Variants in ZNF215 observed in about 807,000 individuals in gnomAD.
The protein encoded by ZNF215 is BWSCR2-associated zinc finger protein 2.
ZNF215 carries 24 observed loss-of-function variants against 27.2 expected under a neutral mutation model. That is an observed-to-expected ratio of 0.88 (90% CI 0.64 to 1.24). The LOEUF (loss-of-function observed/expected upper bound fraction) is 1.24, where lower values mean the gene tolerates loss of function less well. ZNF215 is among the 50% of genes most tolerant of loss of function. The probability of loss-of-function intolerance (pLI) is 0.00; values close to 1 mark genes in which losing one functional copy is unlikely to be tolerated. For missense variants in ZNF215, 675 were observed against 605.7 expected, an observed-to-expected ratio of 1.11 and a Z score of -1.20; for synonymous variants, 210 against 204.0, an observed-to-expected ratio of 1.03 and a Z score of -0.25.
Position 6,944,119 on chromosome 11 carries a change from A to G in ZNF215, c.712+478A>G, listed in dbSNP as rs532407180. On this transcript the variant is annotated intron_variant, in intron 6 of 6. Coordinates refer to ENST00000278319, the MANE Select transcript of ZNF215 (RefSeq NM_013250.4). ...TTAAACCCTGTCTCTACTAAAAAAT[A>G]CAAAAAATTAGCCGGGTGTGGTGGC... Among the ~76,000 whole-genome samples, 10 of 152,290 alleles carry G rather than the reference A, an allele frequency of 6.6e-5. No homozygotes were observed. The East Asian group carries it at 1.9e-3, about 29-fold the overall frequency.
intron 6 of ZNF215, among the ~76,000 whole-genome samples, chr11:6,950,946 T>C (rs1197726181): frequency 5.3e-4 from 80 of 152,078 alleles, no homozygotes; most frequent in African/African-American, 1.7e-3. Context: ...GCATGAAGGG[T>C]TGTTGAATTT....
At chr11:6,937,171 C>T (rs1207264836) in intron 3 of ZNF215, among the ~76,000 whole-genome samples, 1 of 151,856 alleles carries the variant, frequency 6.6e-6, no homozygotes, top group Non-Finnish European at 1.5e-5. Context: ...TCTTATATAT[C>T]CAAAATCCTA....
chr11:6,980,166 G>C (rs574305711), intron 5 of ZNF215, among the ~76,000 whole-genome samples: 1 of 152,056 alleles, frequency 6.6e-6, no homozygotes. Context: ...TATGCCTTTT[G>C]TGTTTGTTAA....
downstream of ZNF215, among the ~76,000 whole-genome samples, chr11:6,960,914 C>A (rs1161500495): frequency 6.6e-6 from 1 of 152,090 alleles, no homozygotes; most frequent in East Asian, 1.9e-4. Flanking sequence ...CCTTTGGATT[C>A]TTCTCTCTAT....
chr11:6,967,159 C>T (rs1339642848), intron 5 of ZNF215, among the ~76,000 whole-genome samples: 2 of 152,130 alleles, frequency 1.3e-5, no homozygotes, highest in East Asian at 1.9e-4. Flanking sequence ...TTTATGGCTG[C>T]ATAGTATTCC....
intron 5 of ZNF215, among the ~76,000 whole-genome samples, chr11:6,970,086 T>G (rs138826804): frequency 5.6e-5 from 8 of 142,878 alleles, no homozygotes; most frequent in Non-Finnish European, 1.2e-4. Flanking sequence ...CTGGCCAGCA[T>G]TGGTATTTTG....
chr11:6,978,903 C>T (rs1850887640), intron 5 of ZNF215, among the ~76,000 whole-genome samples: 1 of 151,944 alleles, frequency 6.6e-6, no homozygotes, highest in Non-Finnish European at 1.5e-5. Context: ...ATAAGATGAA[C>T]AAAAATGAGA....
chr11:6,950,447 C>T (rs1313573534), intron 6 of ZNF215, among the ~76,000 whole-genome samples: 7 of 152,122 alleles, frequency 4.6e-5, no homozygotes, highest in East Asian at 1.9e-4. Flanking sequence ...AGGTCCTTCA[C>T]GTCCCTTGTA....
At chr11:6,961,818 C>T (rs1386105211), downstream of ZNF215, among the ~76,000 whole-genome samples, 1 of 152,136 alleles carries the variant, frequency 6.6e-6, no homozygotes, top group African/African-American at 2.4e-5. Flanking sequence ...ACCACTTGCA[C>T]TCTCGACACC....
At chr11:6,977,239 T>G (rs180673760) in intron 5 of ZNF215, among the ~76,000 whole-genome samples, 4 of 152,150 alleles carry the variant, frequency 2.6e-5, no homozygotes, top group Non-Finnish European at 5.9e-5. Context: ...AGTTTTAAAT[T>G]GTGAGCCATT....
At chr11:6,986,846 CAAAA>C (rs1851061871), downstream of ZNF215, among the ~76,000 whole-genome samples, 6 of 85,244 alleles carry the variant, frequency 7.0e-5, no homozygotes, top group Admixed American at 8.9e-4. Flanking sequence ...AAGTCAAAAA[CAAAA>C]ACAAAAACAA....
At chr11:6,960,396 GAAGAA>G (rs1850492703), downstream of ZNF215, among the ~76,000 whole-genome samples, 1 of 152,150 alleles carries the variant, frequency 6.6e-6, no homozygotes, top group Non-Finnish European at 1.5e-5. Flanking sequence ...AATGGGAGTT[GAAGAA>G]AAGACCAGCA....
intron 6 of ZNF215, among the ~76,000 whole-genome samples, chr11:6,952,089 G>T (rs980769930): frequency 3.9e-5 from 6 of 152,216 alleles, no homozygotes; most frequent in East Asian, 1.9e-4. Flanking sequence ...TTGCACTGTG[G>T]TCTGAGGGAC....
In ZNF215 at chr11:6,956,875, A is replaced by T; in HGVS notation, c.*344A>T. On this transcript the variant is annotated 3_prime_UTR_variant, in exon 7 of 7. Transcript: ENST00000278319. Reference sequence around the variant, plus strand: ...TAATATCCACCTGATTTATTGACGAAGTAGACATTAGGCAAAGCCAAACAA... The same window carrying T: ...TAATATCCACCTGATTTATTGACGATGTAGACATTAGGCAAAGCCAAACAA... 1 of 1,010,846 alleles carries T rather than the reference A, an allele frequency of 9.9e-7. No individual in the cohort carries two copies. The highest frequency in any genetic ancestry group is 1.2e-6 in the Non-Finnish European group (1 of 845,902). 62.6% of individuals were successfully genotyped at this position (1,010,846 alleles called of 1,614,324 possible). A position where few individuals can be genotyped will look rare whatever the true frequency, so the allele number is the denominator to read the frequency against.
chr11:6,954,237 G>A lies in ZNF215; in HGVS notation c.713-1453G>A, dbSNP rs999727800. Among the ~76,000 whole-genome samples the A allele has an allele frequency of 6.6e-5, 10 of 152,306 alleles. No homozygotes were observed. The South Asian group carries it at 8.3e-4, about 13-fold the overall frequency. On this transcript the variant is annotated intron_variant, in intron 6 of 6. Transcript: ENST00000278319. ...TGCCCGTTCTCAGATCTCCAGCTGCGTGCTGGGAGAACCACCGCTCTCTTC... is the reference window on the plus strand; with the variant it reads ...TGCCCGTTCTCAGATCTCCAGCTGCATGCTGGGAGAACCACCGCTCTCTTC...
chr11:6,989,177 T>C (rs11041125), downstream of ZNF215, among the ~76,000 whole-genome samples: 25,364 of 134,110 alleles, frequency 0.19, 2,472 homozygotes, highest in Admixed American at 0.23. Context: ...AAAAAAAAGG[T>C]ATTATGTTGG....
intron 3 of ZNF215, among the ~76,000 whole-genome samples, chr11:6,935,330 CTGAG>C (rs1287496430): frequency 2.0e-5 from 3 of 152,226 alleles, no homozygotes; most frequent in African/African-American, 7.2e-5. Flanking sequence ...TTAAAAGTGT[CTGAG>C]TGAGTGTGCC....
chr11:6,943,869 C>G (rs1849722811), intron 6 of ZNF215, among the ~76,000 whole-genome samples: 1 of 152,158 alleles, frequency 6.6e-6, no homozygotes, highest in Admixed American at 6.5e-5. Context: ...GCTGTGTGAC[C>G]TGAGAGAGCC....
At position 6,932,397 on chromosome 11, in the gene ZNF215, A is replaced by T; in HGVS notation, c.125A>T (p.His42Leu). The part of the protein sequence containing the change: ...QQETNPVVET[H>L]DSEASRQKFR... The stretch of plus-strand genomic sequence containing the variant: ...GAAACCAACCCCGTCGTGGAGACAC[A>T]TGACTCTGAGGCATCTCGTCAAAAG... Residue 42 changes from histidine to leucine, a missense_variant, in exon 3 of 7, where the codon CAT (histidine) becomes CTT (leucine). His to Leu is a moderately conservative substitution (Grantham distance 99). Coordinates refer to ENST00000278319, the MANE Select transcript of ZNF215 (RefSeq NM_013250.4). The T allele has an allele frequency of 2.5e-6, 4 of 1,614,192 alleles. No homozygotes were observed. Among genetic ancestry groups the T allele is most frequent in the Non-Finnish European group, 8.5e-7 (1 of 1,180,018 alleles).
Sources: allele counts gnomAD v4.1 joint callset (sites outside exome capture counted in the v4.1 genomes callset), GRCh38; gene constraint gnomAD v4.1.1; transcripts MANE v1.5; gene names NCBI Gene and HGNC (gene_info 2026-07-23, HGNC 2026-07-21).